Variants in DNAH3 observed in about 807,000 individuals in gnomAD.
DNAH3 encodes the protein dynein axonemal heavy chain 3.
Under a neutral mutation model 432.5 loss-of-function variants are expected in DNAH3, and 332 were observed. The observed-to-expected ratio is 0.77, with a 90% confidence interval of 0.70 to 0.84. The LOEUF (loss-of-function observed/expected upper bound fraction) is 0.84. DNAH3 is among the 40% of genes least tolerant of loss of function. The pLI, the probability that DNAH3 is intolerant of heterozygous loss-of-function variation, is 0.00. For missense variants in DNAH3, 4,861 were observed against 5,114.0 expected (o/e 0.95, Z 1.51); for synonymous variants, 1,956 against 1,900.2 (o/e 1.03, Z -0.76).
At chr16:20,950,487 CCA>C (rs1289291818) in intron 56 of DNAH3, among the ~76,000 whole-genome samples, 1 of 152,178 alleles carries the variant, frequency 6.6e-6, no homozygotes, top group African/African-American at 2.4e-5. Flanking sequence ...CTGAAATCAC[CCA>C]CAGTTAGAAC....
intron 1 of DNAH3, among the ~76,000 whole-genome samples, chr16:21,148,310 A>G (rs2092811188): frequency 6.6e-6 from 1 of 152,122 alleles, no homozygotes. Flanking sequence ...GTACAACCTC[A>G]TGAGATTTTT....
intron 24 of DNAH3, 123 bp downstream of exon 24, chr16:21,067,160 A>G: frequency 1.8e-6 from 2 of 1,110,996 alleles, no homozygotes; most frequent in African/African-American, 1.6e-5. Flanking sequence ...TGTCTTGGAG[A>G]ATGGAAAACC....
chr16:21,000,347 A>G (rs574708828), exon 43 of DNAH3: 2 of 1,614,180 alleles, frequency 1.2e-6, no homozygotes, highest in African/African-American at 2.7e-5. Flanking sequence ...AAATTGATGC[A>G]GTTGGGTAGG....
chr16:21,002,512 A>AG (rs1384887220), intron 42 of DNAH3, among the ~76,000 whole-genome samples: 6 of 151,828 alleles, frequency 4.0e-5, no homozygotes, highest in Non-Finnish European at 7.4e-5. Context: ...CCCAGGCTGA[A>AG]GTGCAATGGC....
At position 21,134,957 on chromosome 16, in the gene DNAH3, C is replaced by T. The variant is rs1475604729; in HGVS notation, c.887-503G>A. On this transcript the variant is annotated intron_variant, in intron 6 of 61. Coordinates refer to ENST00000261383, the Ensembl canonical transcript of DNAH3. ...CCCGCCTCGGCCTCCCAAAGTGCTG[C>T]GATTATAGGTGTGAGCTAGCACACC... Among the ~76,000 whole-genome samples the T allele has an allele frequency of 3.9e-5, 6 of 152,136 alleles. No homozygotes were observed. In the East Asian group the frequency reaches 7.7e-4, roughly 20 times the overall value.
At chr16:21,018,786 T>C (rs2087991407) in intron 41 of DNAH3, among the ~76,000 whole-genome samples, 1 of 151,746 alleles carries the variant, frequency 6.6e-6, no homozygotes. Flanking sequence ...TCCCAACTAC[T>C]TGGGAGGCTG....
At position 21,110,378 on chromosome 16, in the gene DNAH3, C is replaced by G. The variant is rs377602458; in HGVS notation, c.2099+1248G>C. 5.3e-5 allele frequency among the ~76,000 whole-genome samples: 8 copies of G among 152,176 alleles called. No individual in the cohort carries two copies. In the East Asian group the frequency reaches 1.5e-3, roughly 29 times the overall value. Reference sequence around the variant, plus strand: ...CAGGCCAACCTCACATGGGCCAGGACTTTTCCAAGGATGATAGAAAAAGAA... The same window carrying G: ...CAGGCCAACCTCACATGGGCCAGGAGTTTTCCAAGGATGATAGAAAAAGAA... On this transcript the variant is annotated intron_variant, in intron 14 of 61. Transcript: ENST00000261383.
intron 53 of DNAH3, 88 bp downstream of exon 53, chr16:20,963,196 T>G (rs1205237052): frequency 3.8e-4 from 497 of 1,301,706 alleles, no homozygotes; most frequent in Non-Finnish European, 4.7e-4. Flanking sequence ...CATCTGAACT[T>G]GAGATCCCTG....
At chr16:21,157,606 A>T (rs2092907624) in intron 1 of DNAH3, among the ~76,000 whole-genome samples, 1 of 152,110 alleles carries the variant, frequency 6.6e-6, no homozygotes, top group East Asian at 1.9e-4. Context: ...CTGGGATTAT[A>T]GGTGTGAGCC....
chr16:21,033,865 C>A, intron 36 of DNAH3, 109 bp downstream of exon 36: 2 of 676,554 alleles, frequency 3.0e-6, no homozygotes, highest in Non-Finnish European at 5.1e-6. Flanking sequence ...CTAGCTCTGA[C>A]GTCACGATCG....
At chr16:21,013,081 A>G (rs1037400541) in intron 41 of DNAH3, among the ~76,000 whole-genome samples, 1 of 152,134 alleles carries the variant, frequency 6.6e-6, no homozygotes. Flanking sequence ...AAAGATCTAA[A>G]ATCAATAATC....
At chr16:21,069,646 C>T in intron 22 of DNAH3, 52 bp from the exon 23 acceptor site, 2 of 1,507,790 alleles carry the variant, frequency 1.3e-6, no homozygotes, top group East Asian at 2.3e-5. Flanking sequence ...CTCTGCATCA[C>T]AGGCCCATGG....
At chr16:21,041,826 C>T (rs1320394991) in intron 32 of DNAH3, among the ~76,000 whole-genome samples, 13 of 152,164 alleles carry the variant, frequency 8.5e-5, no homozygotes, top group Non-Finnish European at 1.5e-5. Context: ...GTACATGCCA[C>T]CATGCCCGGC....
chr16:21,107,267 G>C (rs1169392846), intron 14 of DNAH3, among the ~76,000 whole-genome samples: 1 of 112,140 alleles, frequency 8.9e-6, no homozygotes, highest in African/African-American at 3.5e-5. Context: ...TTTTGAGACA[G>C]AGTCTTGCTC....
At chr16:21,068,919 CTT>C (rs879302862) in intron 23 of DNAH3, among the ~76,000 whole-genome samples, 1 of 143,634 alleles carries the variant, frequency 7.0e-6, no homozygotes. Flanking sequence ...TTTGTATTTG[CTT>C]TTTTTTTTTT....
exon 48 of DNAH3, chr16:20,985,161 C>A (rs148693918): frequency 2.0e-5 from 32 of 1,614,086 alleles, no homozygotes; most frequent in Non-Finnish European, 2.6e-5. Flanking sequence ...GCATCTTCTC[C>A]ACGATGTCAG....
At chr16:21,072,892 C>T (rs1377981339) in intron 21 of DNAH3, among the ~76,000 whole-genome samples, 1 of 151,366 alleles carries the variant, frequency 6.6e-6, no homozygotes, top group African/African-American at 2.4e-5. Context: ...CTGTGTTACC[C>T]AGGCTGTTCT....
exon 8 of DNAH3, chr16:21,127,697 G>A (rs1372581152): frequency 3.1e-6 from 5 of 1,613,976 alleles, no homozygotes; most frequent in Non-Finnish European, 4.2e-6. Context: ...TTGTTGAGAA[G>A]AGTCTGGTGT....
At chr16:21,022,236 T>G in intron 39 of DNAH3, 136 bp from the exon 40 acceptor site, 1 of 872,884 alleles carries the variant, frequency 1.1e-6, no homozygotes, top group Middle Eastern at 2.4e-4. Flanking sequence ...GGGGGAAAAC[T>G]TATAGGCAAC....
Sources: allele counts gnomAD v4.1 joint callset (sites outside exome capture counted in the v4.1 genomes callset), GRCh38; gene constraint gnomAD v4.1.1; transcripts MANE v1.5; gene names NCBI Gene and HGNC (gene_info 2026-07-23, HGNC 2026-07-21).